Variants in HDAC4 observed in about 807,000 individuals in gnomAD.
HDAC4 encodes the protein histone deacetylase A.
In HDAC4, 16 loss-of-function variants were observed where a neutral mutation model predicts 135.1. The observed-to-expected ratio is 0.12, with a 90% CI of 0.08 to 0.18. The LOEUF (loss-of-function observed/expected upper bound fraction) is 0.18, where lower values mean the gene tolerates loss of function less well. Ranked by LOEUF, HDAC4 falls within the 10% of genes least tolerant of loss-of-function variation. The pLI, the probability that HDAC4 is intolerant of heterozygous loss-of-function variation, is 1.00. For synonymous variants in HDAC4, 685 were observed against 653.4 expected, an observed-to-expected ratio of 1.05 and a Z score of -0.74; for missense variants, 1,143 against 1,511.8, an observed-to-expected ratio of 0.76 and a Z score of 4.05.
chr2:239,253,859 A>T (rs2048915712), intron 2 of HDAC4, among the ~76,000 whole-genome samples: 1 of 152,118 alleles, frequency 6.6e-6, no homozygotes, highest in South Asian at 2.1e-4. Context: ...GGGCGGCTGC[A>T]TATCTGGGTG....
intron 22 of HDAC4, among the ~76,000 whole-genome samples, chr2:239,075,808 T>G (rs1008126369): frequency 6.6e-6 from 1 of 151,964 alleles, no homozygotes; most frequent in African/African-American, 2.4e-5. Context: ...TCCCAGGGAA[T>G]AGAGCTGGGC....
intron 20 of HDAC4, among the ~76,000 whole-genome samples, 171 bp from the exon 21 acceptor site, chr2:239,082,392 G>A (rs529964927): frequency 2.6e-4 from 40 of 152,346 alleles, no homozygotes; most frequent in Admixed American, 4.6e-4. Flanking sequence ...GGGCTGTGTG[G>A]GTCAGGGCTA....
intron 17 of HDAC4, among the ~76,000 whole-genome samples, chr2:239,090,552 A>G (rs1220291130): frequency 2.0e-5 from 3 of 151,240 alleles, no homozygotes; most frequent in Non-Finnish European, 2.9e-5. Context: ...CTGAGGCGGG[A>G]AGATCACTTG....
intron 2 of HDAC4, among the ~76,000 whole-genome samples, chr2:239,243,942 C>T (rs2153195991): frequency 6.6e-6 from 1 of 152,352 alleles, no homozygotes; most frequent in Non-Finnish European, 1.5e-5. Context: ...AGGGTCCTGC[C>T]TCTCTTGGCT....
intron 22 of HDAC4, among the ~76,000 whole-genome samples, chr2:239,077,122 G>A (rs1244360899): frequency 6.6e-6 from 1 of 152,196 alleles, no homozygotes; most frequent in Non-Finnish European, 1.5e-5. Flanking sequence ...CACCTAAGCT[G>A]CCACAAGACG....
At chr2:239,298,257 C>T (rs552771330) in intron 2 of HDAC4, 646 of 1,286,274 alleles carry the variant, frequency 5.0e-4, no homozygotes, top group Non-Finnish European at 6.1e-4. Context: ...CCAGGCTTGA[C>T]GACAGACTGG....
intron 1 of HDAC4, among the ~76,000 whole-genome samples, chr2:239,397,361 A>G (rs1007391154): frequency 6.6e-6 from 1 of 152,198 alleles, no homozygotes; most frequent in African/African-American, 2.4e-5. Context: ...ACGAGCCCCA[A>G]GCAGGTGCTC....
At chr2:239,380,565 T>G (rs1185054841) in intron 1 of HDAC4, among the ~76,000 whole-genome samples, 1 of 152,100 alleles carries the variant, frequency 6.6e-6, no homozygotes, top group East Asian at 1.9e-4. Flanking sequence ...ATTTAATGGG[T>G]GTATGTTAAT....
At chr2:239,102,122 G>A (rs1232575445) in intron 16 of HDAC4, among the ~76,000 whole-genome samples, 1 of 146,998 alleles carries the variant, frequency 6.8e-6, no homozygotes. Context: ...TGCCCTGGAA[G>A]CCCCCGGCCC....
In HDAC4 at chr2:239,121,444, C is replaced by T. The variant is rs1001228785; in HGVS notation, c.1533+5012G>A. 7.9e-5 allele frequency among the ~76,000 whole-genome samples: 12 copies of T among 152,308 alleles called. No individual in the cohort carries two copies. In the South Asian group the frequency reaches 1.4e-3, roughly 18 times the overall value. On this transcript the variant is annotated intron_variant, in intron 12 of 26. Transcript: ENST00000543185. ...CTGCCTGCCTGAGGCTTTCGGCAGCCGCGTCTACCGTGCTGTGCATCAGGA... is the reference window on the plus strand; with the variant it reads ...CTGCCTGCCTGAGGCTTTCGGCAGCTGCGTCTACCGTGCTGTGCATCAGGA...
chr2:239,395,310 G>C (rs1034711955), intron 1 of HDAC4, among the ~76,000 whole-genome samples: 1 of 152,166 alleles, frequency 6.6e-6, no homozygotes, highest in African/African-American at 2.4e-5. Context: ...TCAAGCAAGG[G>C]AATGAGAGGT....
chr2:239,208,998 C>T (rs2046219149), intron 3 of HDAC4, among the ~76,000 whole-genome samples: 1 of 152,232 alleles, frequency 6.6e-6, no homozygotes, highest in African/African-American at 2.4e-5. Flanking sequence ...CACCTTAGCC[C>T]CTCAAGTAGC....
intron 3 of HDAC4, among the ~76,000 whole-genome samples, chr2:239,229,974 G>A (rs1266783032): frequency 6.6e-6 from 1 of 152,138 alleles, no homozygotes; most frequent in Non-Finnish European, 1.5e-5. Context: ...CAAAATAGGT[G>A]GAAGGAATAT....
intron 7 of HDAC4, among the ~76,000 whole-genome samples, chr2:239,149,637 C>G (rs2041984983): frequency 6.6e-6 from 1 of 152,180 alleles, no homozygotes; most frequent in Non-Finnish European, 1.5e-5. Flanking sequence ...GAAGACAGAG[C>G]CTGCTCAGGG....
chr2:239,297,317 G>A (rs866788040), intron 2 of HDAC4, among the ~76,000 whole-genome samples: 5 of 152,214 alleles, frequency 3.3e-5, no homozygotes, highest in South Asian at 2.1e-4. Context: ...AGTGGACTTC[G>A]CTCCAGAAAG....
chr2:239,291,805 G>A (rs369033415), intron 2 of HDAC4, among the ~76,000 whole-genome samples: 12 of 152,290 alleles, frequency 7.9e-5, no homozygotes, highest in East Asian at 1.9e-4. Flanking sequence ...GTCCACCATC[G>A]CCTTCTAGAA....
intron 22 of HDAC4, among the ~76,000 whole-genome samples, chr2:239,074,688 G>A (rs1028969775): frequency 6.6e-6 from 1 of 152,222 alleles, no homozygotes; most frequent in African/African-American, 2.4e-5. Flanking sequence ...TGAGGTGCAT[G>A]AGTGCACCTT....
At position 239,262,618 on chromosome 2, in the gene HDAC4, C is replaced by A. The variant is rs539879234; in HGVS notation, c.23-25954G>T. ...AATGTCCCCATCCTCAGCCTGGCTCCATTTTCTGGGCAAGAGTGTGGGACC... is the reference window on the plus strand; with the variant it reads ...AATGTCCCCATCCTCAGCCTGGCTCAATTTTCTGGGCAAGAGTGTGGGACC... On this transcript the variant is annotated intron_variant, in intron 2 of 26. Coordinates refer to ENST00000543185, the MANE Select transcript of HDAC4 (RefSeq NM_001378414.1). The surrounding 1 kb of genome is among the most constrained non-coding windows in gnomAD (Gnocchi z 4.1). Among the ~76,000 whole-genome samples the A allele has an allele frequency of 1.3e-5, 2 of 152,334 alleles. No individual in the cohort carries two copies. Among genetic ancestry groups the A allele is most frequent in the African/African-American group, 4.8e-5 (2 of 41,584 alleles).
rs367868160 is a variant in HDAC4 at position 239,134,435 on chromosome 2, C to T, written c.1104G>A (p.Ala368=). ...TGAGTCTCTCGGCGTCCTGCTGGCC[C>T]GCCGTGCCCTGGAAAGCACAGCCAG... ...LPATGPSAGT[A]GQQDAERLTL... Residue 368 remains alanine (A), a synonymous_variant, in exon 11 of 27, where the codon GCG becomes GCA. Transcript: ENST00000543185. 3.7e-5 allele frequency: 59 copies of T among 1,613,330 alleles called. No individual in the cohort carries two copies. The highest frequency in any genetic ancestry group is 8.3e-5 in the Admixed American group (5 of 59,886).
Sources: allele counts gnomAD v4.1 joint callset (sites outside exome capture counted in the v4.1 genomes callset), GRCh38; gene constraint gnomAD v4.1.1; non-coding constraint Gnocchi (gnomAD v3.1); transcripts MANE v1.5; gene names NCBI Gene and HGNC (gene_info 2026-07-23, HGNC 2026-07-21).